The following TSNARE1 variants were observed in gnomAD, a reference collection of about 807,000 sequenced individuals.
The protein encoded by TSNARE1 is t-SNARE domain-containing protein 1.
Under a neutral mutation model 62.0 loss-of-function variants are expected in TSNARE1, and 49 were observed. The ratio of observed to expected loss-of-function variants is 0.79; its 90% CI spans 0.63 to 1.00. TSNARE1 has a LOEUF of 1.00. Among genes scored for constraint, TSNARE1 ranks in the 50% least tolerant of loss-of-function variants. TSNARE1 has a pLI of 0.00. For missense variants in TSNARE1, 755 were observed against 700.1 expected, an observed-to-expected ratio of 1.08 and a Z score of -0.88; for synonymous variants, 328 against 294.4, an observed-to-expected ratio of 1.11 and a Z score of -1.17.
chr8:142,244,750 C>T (rs1305207138), intron 12 of TSNARE1, among the ~76,000 whole-genome samples: 4 of 152,162 alleles, frequency 2.6e-5, no homozygotes, highest in African/African-American at 9.7e-5. Context: ...TGAGCGGGGA[C>T]GCAGGGAGAG....
chr8:142,353,406 A>C (rs1834358555), intron 2 of TSNARE1, among the ~76,000 whole-genome samples: 1 of 152,302 alleles, frequency 6.6e-6, no homozygotes, highest in South Asian at 2.1e-4. Flanking sequence ...GGAGGAGACC[A>C]GGCCAGCCCG....
chr8:142,243,415 CT>C (rs1457578367), intron 12 of TSNARE1, among the ~76,000 whole-genome samples: 2 of 152,054 alleles, frequency 1.3e-5, no homozygotes, highest in Non-Finnish European at 2.9e-5. Context: ...TACGATTCAG[CT>C]TCTTAAAGAA....
intron 1 of TSNARE1, among the ~76,000 whole-genome samples, chr8:142,393,774 G>A (rs1309452585): frequency 1.3e-5 from 2 of 152,162 alleles, no homozygotes; most frequent in Non-Finnish European, 2.9e-5. Flanking sequence ...GGGAAAGCCT[G>A]GGCAGCAAAG....
At chr8:142,379,418 GGGCTACGC>G (rs979385268) in intron 1 of TSNARE1, among the ~76,000 whole-genome samples, 3 of 152,214 alleles carry the variant, frequency 2.0e-5, no homozygotes, top group Admixed American at 2.0e-4. Context: ...GCTGGCCGAG[GGGCTACGC>G]TTGCCCAGAG....
intron 1 of TSNARE1, among the ~76,000 whole-genome samples, chr8:142,363,453 A>T (rs928738159): frequency 1.3e-5 from 2 of 152,154 alleles, no homozygotes; most frequent in African/African-American, 4.8e-5. Flanking sequence ...GCCCCTCCCC[A>T]GCCCCATGAG....
chr8:142,400,399 T>C (rs1472232585), intron 1 of TSNARE1, among the ~76,000 whole-genome samples: 1 of 143,530 alleles, frequency 7.0e-6, no homozygotes, highest in Non-Finnish European at 1.5e-5. Context: ...TGAACCAAGA[T>C]TGCACCAACG....
chr8:142,326,263 G>A (rs1830233376), intron 6 of TSNARE1: 1 of 160,072 alleles, frequency 6.2e-6, no homozygotes, highest in Admixed American at 6.9e-5. Flanking sequence ...CAGCGAAGGG[G>A]AGGGCCCCGG....
intron 1 of TSNARE1, among the ~76,000 whole-genome samples, chr8:142,355,338 T>C (rs1232565090): frequency 6.6e-6 from 1 of 152,244 alleles, no homozygotes; most frequent in Non-Finnish European, 1.5e-5. Context: ...GGCCTCAGTT[T>C]CCTCATCTGT....
At chr8:142,381,671 G>A (rs1235664916) in intron 1 of TSNARE1, among the ~76,000 whole-genome samples, 2 of 152,192 alleles carry the variant, frequency 1.3e-5, no homozygotes, top group African/African-American at 4.8e-5. Context: ...ACGAGGAGGA[G>A]CCACGTGGGG....
chr8:142,271,580 G>A (rs1819553735), intron 12 of TSNARE1: 2 of 1,416,144 alleles, frequency 1.4e-6, no homozygotes, highest in Non-Finnish European at 1.8e-6. Context: ...TGAGGAGGTG[G>A]GTGCGTGGAA....
At chr8:142,387,895 T>A (rs1366197365) in intron 1 of TSNARE1, among the ~76,000 whole-genome samples, 1 of 152,188 alleles carries the variant, frequency 6.6e-6, no homozygotes, top group Non-Finnish European at 1.5e-5. Context: ...ATAACTTCTA[T>A]ATTATGTTTA....
chr8:142,226,307 C>T (rs554058793), intron 13 of TSNARE1, among the ~76,000 whole-genome samples: 13 of 152,256 alleles, frequency 8.5e-5, no homozygotes, highest in Non-Finnish European at 1.2e-4. Flanking sequence ...GCCGGGCACA[C>T]GCATGGGCTT....
At position 142,317,318 on chromosome 8, in the gene TSNARE1, G is replaced by A. The variant is rs562587806; in HGVS notation, c.984+1226C>T. Among the ~76,000 whole-genome samples, 123 of 130,580 alleles carry A rather than the reference G, an allele frequency of 9.4e-4. 4 individuals are homozygous for A. The highest frequency in any genetic ancestry group is 1.6e-3 in the Non-Finnish European group (98 of 59,646). 85.7% of individuals were successfully genotyped at this position (130,580 alleles called of 152,430 possible). On this transcript the variant is annotated intron_variant, in intron 7 of 13. Transcript: ENST00000524325. Reference sequence around the variant, plus strand: ...GCGGGTATGGCCAGCGGCTCACACTGTACGTGTGAAGCGGGTATGGCCAGC... The same window carrying A: ...GCGGGTATGGCCAGCGGCTCACACTATACGTGTGAAGCGGGTATGGCCAGC...
chr8:142,277,311 C>A (rs1276495703), intron 11 of TSNARE1: 1 of 985,284 alleles, frequency 1.0e-6, no homozygotes, highest in Non-Finnish European at 1.2e-6. Context: ...CCGCCCTCCC[C>A]AGACACTCGC....
intron 6 of TSNARE1, among the ~76,000 whole-genome samples, chr8:142,325,556 C>T (rs941164746): frequency 2.0e-5 from 3 of 152,138 alleles, no homozygotes; most frequent in African/African-American, 7.2e-5. Flanking sequence ...GGCCAGCCCA[C>T]GACCGGTGAG....
chr8:142,257,316 AG>A (rs1167440401), intron 12 of TSNARE1, among the ~76,000 whole-genome samples: 2 of 152,182 alleles, frequency 1.3e-5, no homozygotes, highest in Non-Finnish European at 1.5e-5. Context: ...GGTCCTCTGC[AG>A]GGCCGGTGCT....
At chr8:142,344,567 C>G in intron 3 of TSNARE1, 95 bp from the exon 4 acceptor site, 2 of 1,311,862 alleles carry the variant, frequency 1.5e-6, no homozygotes, top group Non-Finnish European at 2.0e-6. Flanking sequence ...TCTCTGGTTT[C>G]TGCTTCAGGA....
chr8:142,287,661 G>A (rs1218251464), intron 10 of TSNARE1, among the ~76,000 whole-genome samples: 1 of 135,572 alleles, frequency 7.4e-6, no homozygotes, highest in East Asian at 2.3e-4. Context: ...CTGCCCTCCA[G>A]GTCGTGGAAC....
chr8:142,355,757 G>C (rs1000791649), intron 1 of TSNARE1, among the ~76,000 whole-genome samples: 1 of 152,206 alleles, frequency 6.6e-6, no homozygotes, highest in African/African-American at 2.4e-5. Flanking sequence ...CCTGAAGTGC[G>C]AAGGCAGGTT....
Sources: allele counts gnomAD v4.1 joint callset (sites outside exome capture counted in the v4.1 genomes callset), GRCh38; gene constraint gnomAD v4.1.1; transcripts MANE v1.5; gene names NCBI Gene and HGNC (gene_info 2026-07-23, HGNC 2026-07-21).